Variants in RABGAP1L observed in about 807,000 individuals in gnomAD.
The protein encoded by RABGAP1L is rab GTPase-activating protein 1-like.
Under a neutral mutation model 137.7 loss-of-function variants are expected in RABGAP1L, and 63 were observed. That is an observed-to-expected ratio of 0.46 (90% confidence interval 0.37 to 0.56). The LOEUF is 0.56. RABGAP1L is among the 20% of genes least tolerant of loss of function. RABGAP1L has a pLI of 0.00. For synonymous variants in RABGAP1L, 431 were observed against 433.7 expected (o/e 0.99, Z 0.08); for missense variants, 1,095 against 1,244.0 (o/e 0.88, Z 1.80).
At chr1:174,618,476 C>T (rs1386736999) in intron 13 of RABGAP1L, among the ~76,000 whole-genome samples, 2 of 152,226 alleles carry the variant, frequency 1.3e-5, no homozygotes, top group African/African-American at 4.8e-5. Context: ...GCAACATTTG[C>T]TGTTCACCAA....
At chr1:174,733,832 G>A (rs779947430) in intron 17 of RABGAP1L, among the ~76,000 whole-genome samples, 9 of 152,186 alleles carry the variant, frequency 5.9e-5, no homozygotes, top group Non-Finnish European at 1.3e-4. Context: ...CTGGAGAATA[G>A]GCTGTGGGGG....
At position 174,825,888 on chromosome 1, in the gene RABGAP1L, C is replaced by T. The variant is rs535489312; in HGVS notation, c.2340+13928C>T. Among the ~76,000 whole-genome samples, 21 of 152,230 alleles carry T rather than the reference C, an allele frequency of 1.4e-4. No homozygotes were observed. In the South Asian group the frequency reaches 4.4e-3, roughly 32 times the overall value. On this transcript the variant is annotated intron_variant, in intron 19 of 25. Coordinates refer to ENST00000681986, the MANE Select transcript of RABGAP1L (RefSeq NM_001366446.1). ...CCTGGGCGACAGAGCAAAACTCTGT[C>T]TCAAAACAAACAAACAAACAAAAAA...
intron 9 of RABGAP1L, among the ~76,000 whole-genome samples, chr1:174,276,983 GTTTGT>G (rs1236110819): frequency 8.6e-6 from 1 of 116,676 alleles, no homozygotes; most frequent in Non-Finnish European, 1.6e-5. Context: ...TAATGGATCA[GTTTGT>G]TTTATCATTA....
intron 22 of RABGAP1L, among the ~76,000 whole-genome samples, chr1:174,978,312 C>CT (rs1030474422): frequency 4.5e-4 from 69 of 152,280 alleles, no homozygotes; most frequent in African/African-American, 1.6e-3. Flanking sequence ...TCTCAAAACT[C>CT]TTATCTTCCC....
chr1:174,211,270 TAAC>T (rs1668864746), intron 1 of RABGAP1L, among the ~76,000 whole-genome samples: 1 of 152,062 alleles, frequency 6.6e-6, no homozygotes, highest in Non-Finnish European at 1.5e-5. Context: ...TAAAAAATAA[TAAC>T]TGCAACAACT....
chr1:174,351,915 C>A (rs1266716921), intron 11 of RABGAP1L, among the ~76,000 whole-genome samples: 3 of 152,146 alleles, frequency 2.0e-5, no homozygotes, highest in Admixed American at 6.6e-5. Flanking sequence ...CATTCTCTTG[C>A]CTCAGCCTCC....
chr1:174,510,294 A>G (rs988834352), intron 13 of RABGAP1L, among the ~76,000 whole-genome samples: 2 of 152,146 alleles, frequency 1.3e-5, no homozygotes, highest in Non-Finnish European at 2.9e-5. Flanking sequence ...CATGAGGGCA[A>G]TGATTTTCTT....
At chr1:174,229,107 GA>G (rs972441201) in intron 3 of RABGAP1L, among the ~76,000 whole-genome samples, 41 of 151,982 alleles carry the variant, frequency 2.7e-4, no homozygotes, top group South Asian at 1.0e-3. Flanking sequence ...TTATTTTGAG[GA>G]AAAAAATTCC....
At chr1:174,800,369 A>G (rs926387008) in intron 18 of RABGAP1L, 1 of 1,550,426 alleles carries the variant, frequency 6.4e-7, no homozygotes, top group African/African-American at 1.4e-5. Context: ...CCCAGCTGCT[A>G]AGCTCACACC....
chr1:174,909,843 A>G (rs1449417168), intron 19 of RABGAP1L, among the ~76,000 whole-genome samples: 1 of 152,128 alleles, frequency 6.6e-6, no homozygotes, highest in Admixed American at 6.6e-5. Context: ...CAAACCAATA[A>G]CAAGTAGTGA....
chr1:174,915,307 A>G (rs1226237952), intron 19 of RABGAP1L, among the ~76,000 whole-genome samples: 1 of 152,210 alleles, frequency 6.6e-6, no homozygotes, highest in Non-Finnish European at 1.5e-5. Context: ...TAAGGATTCC[A>G]GTTTCTCCAT....
At chr1:174,195,802 TTTCTTTCTATCC>T (rs768263839) in intron 1 of RABGAP1L, among the ~76,000 whole-genome samples, 238 of 122,260 alleles carry the variant, frequency 1.9e-3, no homozygotes, top group East Asian at 3.5e-3. Context: ...TCTTTCTTTC[TTTCTTTCTATCC>T]TTCTTTCTTT....
At chr1:174,308,254 TAC>T (rs1300840796) in intron 11 of RABGAP1L, among the ~76,000 whole-genome samples, 3 of 151,998 alleles carry the variant, frequency 2.0e-5, no homozygotes, top group East Asian at 3.8e-4. Flanking sequence ...TCTGTATATA[TAC>T]ACACACATAT....
chr1:174,874,578 C>CTTTT (rs10530813), intron 19 of RABGAP1L: 4 of 232,782 alleles, frequency 1.7e-5, no homozygotes, highest in African/African-American at 5.0e-5. Flanking sequence ...ACACCACTGC[C>CTTTT]TTTTTTTTTT....
chr1:174,423,996 T>G (rs1016790532), intron 13 of RABGAP1L, among the ~76,000 whole-genome samples: 1 of 151,954 alleles, frequency 6.6e-6, no homozygotes, highest in Non-Finnish European at 1.5e-5. Context: ...AAAGGAAAAA[T>G]TGCCACAGTT....
At chr1:174,642,737 C>G (rs1340994664) in intron 14 of RABGAP1L, among the ~76,000 whole-genome samples, 2 of 135,268 alleles carry the variant, frequency 1.5e-5, no homozygotes, top group Non-Finnish European at 3.2e-5. Flanking sequence ...TCCTCTCCCC[C>G]TCTCCCCCTC....
chr1:174,800,072 C>G (rs989105932), intron 18 of RABGAP1L: 13 of 1,281,022 alleles, frequency 1.0e-5, no homozygotes, highest in African/African-American at 1.5e-5. Flanking sequence ...TGGCCATTTT[C>G]TCGCATTCGA....
Position 174,990,284 on chromosome 1 carries a change from A to C in RABGAP1L, c.*283A>C. The C allele has an allele frequency of 3.5e-6, 1 of 282,632 alleles. No individual in the cohort carries two copies. Among genetic ancestry groups the C allele is most frequent in the Non-Finnish European group, 6.5e-6 (1 of 154,186 alleles). The allele number at this position is 282,632 out of a possible 1,614,324, so 17.5% of individuals were successfully genotyped here. ...GCCTGATGTTTAGTTGGAAATAAGT[A>C]ATTCAGAACTAAATGCTTTTTTATT... On this transcript the variant is annotated 3_prime_UTR_variant, in exon 26 of 26. Transcript: ENST00000681986.
At chr1:174,430,357 GAA>G (rs201831946) in intron 13 of RABGAP1L, among the ~76,000 whole-genome samples, 3 of 138,016 alleles carry the variant, frequency 2.2e-5, no homozygotes, top group Non-Finnish European at 4.7e-5. Context: ...GACTCTGTCT[GAA>G]AAAAAAAAAA....
Sources: allele counts gnomAD v4.1 joint callset (sites outside exome capture counted in the v4.1 genomes callset), GRCh38; gene constraint gnomAD v4.1.1; transcripts MANE v1.5; gene names NCBI Gene and HGNC (gene_info 2026-07-23, HGNC 2026-07-21).